Variants in DIMT1 observed in about 807,000 individuals in gnomAD.
DIMT1 encodes DIM1 rRNA methyltransferase and ribosome maturation factor, also known as dimethyladenosine transferase.
In DIMT1, 36 loss-of-function variants were observed where a neutral mutation model predicts 43.2. That is an observed-to-expected ratio of 0.83 (90% CI 0.64 to 1.10). The LOEUF (loss-of-function observed/expected upper bound fraction) is 1.10, where lower values mean the gene tolerates loss of function less well. Among genes scored for constraint, DIMT1 ranks in the 50% least tolerant of loss-of-function variants. DIMT1 has a pLI of 0.00. For missense variants in DIMT1, 341 were observed against 385.3 expected (o/e 0.88, Z 0.96); for synonymous variants, 126 against 130.3 (o/e 0.97, Z 0.22).
At chr5:62,393,674 G>A (rs1742380047) in intron 8 of DIMT1, among the ~76,000 whole-genome samples, 2 of 152,002 alleles carry the variant, frequency 1.3e-5, no homozygotes, top group African/African-American at 2.4e-5. Context: ...ACAATGAAAA[G>A]ATGTTACCCA....
intron 10 of DIMT1, 78 bp from the exon 11 acceptor site, chr5:62,391,060 A>C: frequency 8.4e-7 from 1 of 1,196,268 alleles, no homozygotes; most frequent in Non-Finnish European, 1.2e-6. Flanking sequence ...TAGTTCAGTA[A>C]GTCATAAAAT....
rs1742151625 is a variant in DIMT1, at chr5:62,388,667, G to A, written c.*343C>T. On this transcript the variant is annotated 3_prime_UTR_variant, in exon 12 of 12. Transcript: ENST00000199320. ...TATTACTGGAGGAACAGAGCTAAAG[G>A]CCTAAAGAAGGCCTTACAGTATATA... 2 of 206,946 alleles carry A rather than the reference G, an allele frequency of 9.7e-6. No individual in the cohort carries two copies. The highest frequency in any genetic ancestry group is 2.2e-4 in the South Asian group (2 of 8,994). 12.8% of individuals were successfully genotyped at this position (206,946 alleles called of 1,614,324 possible). A position where few individuals can be genotyped will look rare whatever the true frequency, so the allele number is the denominator to read the frequency against.
At chr5:62,394,127 G>A in intron 7 of DIMT1, 80 bp from the exon 8 acceptor site, 1 of 1,269,600 alleles carries the variant, frequency 7.9e-7, no homozygotes, top group Admixed American at 2.1e-5. Context: ...CTCACAGAAG[G>A]CACAACTGGA....
At chr5:62,389,647 C>T (rs749458979) in intron 11 of DIMT1, among the ~76,000 whole-genome samples, 1 of 152,110 alleles carries the variant, frequency 6.6e-6, no homozygotes. Context: ...TAAGAACTCA[C>T]TGGCATTTGT....
rs1301617084 is a variant in DIMT1 at position 62,394,022 on chromosome 5, G to A, written c.596C>T (p.Pro199Leu). Residue 199 changes from proline (P) to leucine (L), a missense_variant, in exon 8 of 12, where the codon CCG (proline) becomes CTG (leucine). Physicochemically the swap from Pro to Leu is moderately conservative, Grantham distance 98 (BLOSUM62 -3). Coordinates refer to ENST00000199320, the MANE Select transcript of DIMT1 (RefSeq NM_014473.4). The stretch of plus-strand genomic sequence containing the variant: ...TACAACACTGGATTCCACCTTGGGC[G>A]GTGGTCTGAAGTTATTCTTTCCCAC... ...MKVGKNNFRP[P>L]PKVESSVVRI... is the part of the protein sequence containing the mutation. 10 of 1,611,398 alleles carry A rather than the reference G, an allele frequency of 6.2e-6. No individual in the cohort carries two copies. Among genetic ancestry groups the A allele is most frequent in the East Asian group, 4.5e-5 (2 of 44,812 alleles).
At chr5:62,397,774 G>C (rs866875504) in intron 6 of DIMT1, among the ~76,000 whole-genome samples, 1 of 151,676 alleles carries the variant, frequency 6.6e-6, no homozygotes, top group African/African-American at 2.4e-5. Flanking sequence ...TCAGCCTCCC[G>C]AGTGGCTGGG....
chr5:62,388,901 T>G lies in DIMT1; in HGVS notation c.*109A>C. The G allele has an allele frequency of 1.9e-6, 2 of 1,043,952 alleles. No homozygotes were observed. Among genetic ancestry groups the G allele is most frequent in the Non-Finnish European group, 2.9e-6 (2 of 701,428 alleles). 64.7% of individuals were successfully genotyped at this position (1,043,952 alleles called of 1,614,324 possible). On this transcript the variant is annotated 3_prime_UTR_variant, in exon 12 of 12. Coordinates refer to ENST00000199320, the MANE Select transcript of DIMT1 (RefSeq NM_014473.4). ...AACAGTAGTAGTATTGAACCAAAAATAGTCAAGTAAATAATGTCTCAGTAA... is the reference window on the plus strand; with the variant it reads ...AACAGTAGTAGTATTGAACCAAAAAGAGTCAAGTAAATAATGTCTCAGTAA...
At chr5:62,399,989 T>C (rs1383329749) in intron 3 of DIMT1, among the ~76,000 whole-genome samples, 2 of 152,078 alleles carry the variant, frequency 1.3e-5, no homozygotes, top group South Asian at 2.1e-4. Context: ...ATATAATCAA[T>C]AGAATCATGT....
At chr5:62,389,484 T>TGAAAAAAAAAAAAAA in intron 11 of DIMT1, among the ~76,000 whole-genome samples, 1 of 39,868 alleles carries the variant, frequency 2.5e-5, no homozygotes, top group Non-Finnish European at 4.3e-5. Context: ...AGACTCTGTC[T>TGAAAAAAAAAAAAAA]CAAAAAAAAA....
Position 62,398,857 on chromosome 5 carries a change from T to C in DIMT1, c.265A>G (p.Arg89Gly), listed in dbSNP as rs1258307721. The C allele has an allele frequency of 1.2e-6, 2 of 1,613,476 alleles. No individual in the cohort carries two copies. Among genetic ancestry groups the C allele is most frequent in the Non-Finnish European group, 1.7e-6 (2 of 1,179,636 alleles). The change falls in exon 4 of 12, where the codon AGG becomes GGG. Residue 89 changes from arginine to glycine, a missense_variant. Arg to Gly is a moderately radical substitution (Grantham distance 125). Transcript: ENST00000199320. ...KKVVACELDP[R>G]LVAELHKRVQ... ...CTTTTGTGAAGTTCAGCTACTAGCC[T>C]TGGGTCAAGTTCACAAGCAACAACC...
Position 62,394,492 on chromosome 5 carries a change from G to A in DIMT1, c.562C>T (p.Leu188=). 1 of 1,613,996 alleles carries A rather than the reference G, an allele frequency of 6.2e-7. No homozygotes were observed. The highest frequency in any genetic ancestry group is 8.5e-7 in the Non-Finnish European group (1 of 1,179,976). Residue 188 remains leucine (L), a synonymous_variant, in exon 7 of 12, where the codon CTA becomes TTA. Transcript: ENST00000199320. The part of the protein sequence containing the change: ...NTQLLARVDH[L]MKVGKNNFRP... ...AAACAAAATTCACTTACTTTCATTA[G>A]ATGGTCCACACGTGCCAACAGCTGT...
intron 1 of DIMT1, 98 bp from the exon 2 acceptor site, chr5:62,403,444 C>T: frequency 1.6e-6 from 2 of 1,230,320 alleles, no homozygotes; most frequent in Middle Eastern, 1.9e-4. Flanking sequence ...AAGATTTCTG[C>T]GCCAACCAGG....
chr5:62,403,894 CG>C lies in DIMT1; in HGVS notation c.-123del. On this transcript the variant is annotated 5_prime_UTR_variant, in exon 1 of 12. Transcript: ENST00000199320. ...GCCCGCACCACTCTGGCCCAAGCGC[CG>C]GAGGGGCAAGGGTCCGCCCCCTCCC... The C allele has an allele frequency of 9.3e-7, 1 of 1,078,640 alleles. No homozygotes were observed. The highest frequency in any genetic ancestry group is 1.6e-5 in the South Asian group (1 of 64,074). The allele number at this position is 1,078,640 out of a possible 1,614,324, so 66.8% of individuals were successfully genotyped here.
At position 62,394,469 on chromosome 5, in the gene DIMT1, A is replaced by G. The variant is rs778485250; in HGVS notation, c.570+15T>C. The G allele has an allele frequency of 6.2e-7, 1 of 1,613,732 alleles. No individual in the cohort carries two copies. Among genetic ancestry groups the G allele is most frequent in the South Asian group, 1.1e-5 (1 of 91,072 alleles). ...CTATCTCAGAAAAAAGAGAAAGAAA[A>G]CAAAATTCACTTACTTTCATTAGAT... is the stretch of plus-strand genomic sequence containing the variant. On this transcript the variant is annotated intron_variant, in intron 7 of 11. Coordinates refer to ENST00000199320, the MANE Select transcript of DIMT1 (RefSeq NM_014473.4).
At position 62,396,096 on chromosome 5, in the gene DIMT1, CAA is replaced by C. The variant is rs1231226399; in HGVS notation, c.447-1491_447-1490del. 2.2e-5 allele frequency among the ~76,000 whole-genome samples: 3 copies of C among 137,604 alleles called. No individual in the cohort carries two copies. In the East Asian group the frequency reaches 6.8e-4, roughly 31 times the overall value. The allele number at this position is 137,604 out of a possible 152,430, so 90.3% of individuals were successfully genotyped here. A position where few individuals can be genotyped will look rare whatever the true frequency, so the allele number is the denominator to read the frequency against. On this transcript the variant is annotated intron_variant, in intron 6 of 11. Coordinates refer to ENST00000199320, the MANE Select transcript of DIMT1 (RefSeq NM_014473.4). ...ATGATACCAGCATTTTAGTCTATAT[CAA>C]AAAAACTGAGGCTCTGGGGAATTTA...
intron 6 of DIMT1, among the ~76,000 whole-genome samples, chr5:62,396,139 G>GTTTTTTTTTTTTGTTTTTTTTTTTT (rs758847833): frequency 8.6e-6 from 1 of 116,746 alleles, no homozygotes; most frequent in African/African-American, 3.6e-5. Context: ...GTCACTGCAG[G>GTTTTTTTTTTTTGTTTTTTTTTTTT]TTTTTTTTTT....
At chr5:62,399,451 C>T (rs1292283090) in intron 3 of DIMT1, among the ~76,000 whole-genome samples, 1 of 123,560 alleles carries the variant, frequency 8.1e-6, no homozygotes, top group Admixed American at 8.1e-5. Flanking sequence ...GGGCAAGAGA[C>T]AGAGACTCTT....
intron 3 of DIMT1, among the ~76,000 whole-genome samples, chr5:62,399,277 G>A (rs1332423554): frequency 1.3e-5 from 2 of 152,334 alleles, no homozygotes; most frequent in South Asian, 4.1e-4. Context: ...AACCAGCCTG[G>A]CCAACATGGC....
chr5:62,391,927 C>G, intron 10 of DIMT1: 7 of 1,535,160 alleles, frequency 4.6e-6, no homozygotes, highest in Non-Finnish European at 4.4e-6. Context: ...TGGCTAAAAA[C>G]AACTGTCAGT....
Sources: allele counts gnomAD v4.1 joint callset (sites outside exome capture counted in the v4.1 genomes callset), GRCh38; gene constraint gnomAD v4.1.1; transcripts MANE v1.5; gene names NCBI Gene and HGNC (gene_info 2026-07-23, HGNC 2026-07-21).